The following CATSPERD variants were observed in gnomAD, a reference collection of about 807,000 sequenced individuals.
CATSPERD encodes catsper channel auxiliary subunit delta, also known as cation channel sperm-associated auxiliary subunit delta.
CATSPERD carries 86 observed loss-of-function variants against 98.1 expected under a neutral mutation model. That is an observed-to-expected ratio of 0.88 (90% CI 0.74 to 1.05). The LOEUF (loss-of-function observed/expected upper bound fraction) is 1.05, where lower values mean the gene tolerates loss of function less well. CATSPERD is among the 50% of genes least tolerant of loss of function. The pLI is 0.00. For missense variants in CATSPERD, 995 were observed against 1,005.7 expected, an observed-to-expected ratio of 0.99 and a Z score of 0.14; for synonymous variants, 394 against 390.2, an observed-to-expected ratio of 1.01 and a Z score of -0.12.
chr19:5,765,728 C>G (rs959564277), intron 16 of CATSPERD, among the ~76,000 whole-genome samples: 38 of 152,056 alleles, frequency 2.5e-4, no homozygotes, highest in Non-Finnish European at 2.1e-4. Flanking sequence ...AGGAGAATCG[C>G]TTGAACCCAG....
chr19:5,733,357 T>TTCCC (rs2055771340), intron 4 of CATSPERD, among the ~76,000 whole-genome samples: 1 of 141,438 alleles, frequency 7.1e-6, no homozygotes, highest in African/African-American at 2.5e-5. Context: ...TCTTCCTTCC[T>TTCCC]TCCCTCCTTC....
In CATSPERD at chr19:5,761,333, C is replaced by T. The variant is rs140147925; in HGVS notation, c.1428-1882C>T. Reference sequence around the variant, plus strand: ...GCCAGGCTGGTCTTGAACTCCTGACCTCAGGTGGTCCGTCCGCGTCAGCCT... The same window carrying T: ...GCCAGGCTGGTCTTGAACTCCTGACTTCAGGTGGTCCGTCCGCGTCAGCCT... On this transcript the variant is annotated intron_variant, in intron 15 of 21. Coordinates refer to ENST00000381624, the MANE Select transcript of CATSPERD (RefSeq NM_152784.4). 7.5e-3 allele frequency among the ~76,000 whole-genome samples: 1,135 copies of T among 152,120 alleles called. 19 individuals carry two copies. The highest frequency in any genetic ancestry group is 0.026 in the African/African-American group (1,091 of 41,470).
chr19:5,775,905 G>A (rs1309271238), intron 20 of CATSPERD, among the ~76,000 whole-genome samples: 2 of 152,106 alleles, frequency 1.3e-5, no homozygotes, highest in Non-Finnish European at 1.5e-5. Context: ...GCCTCCAGTG[G>A]TATACGGAGT....
At chr19:5,722,158 G>A (rs901796834) in intron 1 of CATSPERD, among the ~76,000 whole-genome samples, 4 of 151,622 alleles carry the variant, frequency 2.6e-5, no homozygotes, top group African/African-American at 4.8e-5. Flanking sequence ...TCTTGTTCTC[G>A]TCGCCCAGGC....
Position 5,758,869 on chromosome 19 carries a change from A to G in CATSPERD, c.1369-217A>G, listed in dbSNP as rs2056378289. Reference sequence around the variant, plus strand: ...AACCAGGGAGGTGGAGGTTGCAGTGAGCCAAGATCGTGCTAATGCACTCCA... The same window carrying G: ...AACCAGGGAGGTGGAGGTTGCAGTGGGCCAAGATCGTGCTAATGCACTCCA... On this transcript the variant is annotated intron_variant, in intron 14 of 21. Transcript: ENST00000381624. Among the ~76,000 whole-genome samples, 3 of 146,870 alleles carry G rather than the reference A, an allele frequency of 2.0e-5. No individual in the cohort carries two copies. In the Admixed American group the frequency reaches 2.1e-4, roughly 10 times the overall value.
In CATSPERD at chr19:5,776,962, A is replaced by T. The variant is rs72985145; in HGVS notation, c.2096+647A>T. Among the ~76,000 whole-genome samples the T allele has an allele frequency of 3.4e-3, 520 of 152,154 alleles. 3 individuals carry two copies. The highest frequency in any genetic ancestry group is 5.2e-3 in the Admixed American group (80 of 15,242). On this transcript the variant is annotated intron_variant, in intron 21 of 21. Coordinates refer to ENST00000381624, the MANE Select transcript of CATSPERD (RefSeq NM_152784.4). ...AATCAGCCACAGTGGAAATATTTAC[A>T]CTACGGGAATTGGCAGACACTACCC...
chr19:5,764,209 C>A (rs2056496810), intron 16 of CATSPERD, among the ~76,000 whole-genome samples: 1 of 148,200 alleles, frequency 6.7e-6, no homozygotes, highest in Admixed American at 7.0e-5. Flanking sequence ...GCTGGGATTA[C>A]AGGCATGAGC....
intron 4 of CATSPERD, among the ~76,000 whole-genome samples, chr19:5,732,843 T>C (rs905867018): frequency 1.3e-5 from 2 of 151,630 alleles, no homozygotes; most frequent in Non-Finnish European, 1.5e-5. Flanking sequence ...GCCTAGCTAA[T>C]TTTTTTGTAT....
chr19:5,755,715 GT>G (rs1379485186), intron 13 of CATSPERD, among the ~76,000 whole-genome samples: 1 of 152,082 alleles, frequency 6.6e-6, no homozygotes, highest in Admixed American at 6.6e-5. Flanking sequence ...GGAGGTTGCG[GT>G]GAGCCAAGAT....
intron 10 of CATSPERD, 71 bp downstream of exon 10, chr19:5,748,326 C>T (rs2056135590): frequency 7.1e-7 from 1 of 1,412,126 alleles, no homozygotes; most frequent in Non-Finnish European, 1.0e-6. Flanking sequence ...CTGCCAGACC[C>T]AACCCAGCCA....
chr19:5,769,086 A>G lies in CATSPERD; in HGVS notation c.1634+844A>G, dbSNP rs144279566. Among the ~76,000 whole-genome samples, 883 of 151,770 alleles carry G rather than the reference A, an allele frequency of 5.8e-3. 6 individuals are homozygous for G. Among genetic ancestry groups the G allele is most frequent in the African/African-American group, 0.02 (813 of 41,376 alleles). On this transcript the variant is annotated intron_variant, in intron 18 of 21. Coordinates refer to ENST00000381624, the MANE Select transcript of CATSPERD (RefSeq NM_152784.4). The stretch of plus-strand genomic sequence containing the variant: ...GGAGAGTTGCTTGAAACTGGGAGGC[A>G]GAGGTTGCAGTGAGCCAAGATTGAG...
intron 17 of CATSPERD, 134 bp downstream of exon 17, chr19:5,766,289 G>GAAAAA (rs10645590): frequency 1.4e-4 from 35 of 242,126 alleles, no homozygotes; most frequent in Middle Eastern, 1.3e-3. Flanking sequence ...CGTCTCTACT[G>GAAAAA]AAAAAAAAAA....
intron 2 of CATSPERD, 128 bp downstream of exon 2, chr19:5,724,990 T>C (rs2055576698): frequency 2.4e-6 from 2 of 846,300 alleles, no homozygotes; most frequent in Admixed American, 1.9e-5. Flanking sequence ...ATTCAGTCTT[T>C]ACAGTTCTTT....
At chr19:5,735,074 G>A (rs79791740) in intron 5 of CATSPERD, among the ~76,000 whole-genome samples, 85 of 152,154 alleles carry the variant, frequency 5.6e-4, no homozygotes, top group African/African-American at 1.9e-3. Context: ...GAAGAGGATC[G>A]CCTGAGCCCA....
chr19:5,776,552 C>T (rs1421460854), intron 21 of CATSPERD, among the ~76,000 whole-genome samples: 1 of 152,206 alleles, frequency 6.6e-6, no homozygotes, highest in Non-Finnish European at 1.5e-5. Flanking sequence ...GAGGCTGTGC[C>T]GCTGCCCTGG....
intron 15 of CATSPERD, among the ~76,000 whole-genome samples, chr19:5,763,006 G>A (rs566348920): frequency 4.6e-5 from 7 of 150,684 alleles, no homozygotes; most frequent in South Asian, 4.2e-4. Context: ...GGATAAATGC[G>A]TAGATGGATG....
At chr19:5,724,354 C>A (rs528543596) in intron 1 of CATSPERD, among the ~76,000 whole-genome samples, 1 of 152,030 alleles carries the variant, frequency 6.6e-6, no homozygotes, top group African/African-American at 2.4e-5. Flanking sequence ...TAAGCCACCA[C>A]GCCCAGCCTC....
At chr19:5,753,357 G>A (rs991937016) in intron 12 of CATSPERD, among the ~76,000 whole-genome samples, 6 of 151,648 alleles carry the variant, frequency 4.0e-5, no homozygotes, top group African/African-American at 7.3e-5. Flanking sequence ...TCAGGAGATC[G>A]AGACCTTCCT....
chr19:5,722,767 T>G (rs1314431495), intron 1 of CATSPERD, among the ~76,000 whole-genome samples: 2 of 151,114 alleles, frequency 1.3e-5, no homozygotes, highest in Non-Finnish European at 2.9e-5. Flanking sequence ...CTGATGCATA[T>G]TCAAGATTGA....
Sources: allele counts gnomAD v4.1 joint callset (sites outside exome capture counted in the v4.1 genomes callset), GRCh38; gene constraint gnomAD v4.1.1; transcripts MANE v1.5; gene names NCBI Gene and HGNC (gene_info 2026-07-23, HGNC 2026-07-21).